Variants in TSC1 observed in about 807,000 individuals in gnomAD.
TSC1 encodes TSC complex subunit 1.
A neutral mutation model predicts 124.3 loss-of-function variants in TSC1; 20 were observed. The observed-to-expected ratio is 0.16, with a 90% confidence interval of 0.11 to 0.23. The LOEUF (loss-of-function observed/expected upper bound fraction) is 0.23, where lower values mean the gene tolerates loss of function less well. Among genes scored for constraint, TSC1 ranks in the 10% least tolerant of loss-of-function variants. TSC1 has a pLI of 1.00. For synonymous variants in TSC1, 493 were observed against 539.1 expected (o/e 0.91, Z 1.19); for missense variants, 1,124 against 1,448.5 (o/e 0.78, Z 3.64).
At chr9:132,913,442 G>A (rs557420501) in intron 8 of TSC1, among the ~76,000 whole-genome samples, 1 of 152,252 alleles carries the variant, frequency 6.6e-6, no homozygotes, top group South Asian at 2.1e-4. Flanking sequence ...TTTTCAGGGG[G>A]TGTAATAATA....
intron 15 of TSC1, 77 bp downstream of exon 15, chr9:132,905,504 T>C (rs2131804489): frequency 6.3e-7 from 1 of 1,599,820 alleles, no homozygotes; most frequent in Admixed American, 1.7e-5. Context: ...GAATGATTCT[T>C]GTTCCTCTCT....
Position 132,896,228 on chromosome 9 carries a change from T to C in TSC1, c.*7A>G. 2 of 1,614,228 alleles carry C rather than the reference T, an allele frequency of 1.2e-6. No individual in the cohort carries two copies. Among genetic ancestry groups the C allele is most frequent in the Middle Eastern group, 1.6e-4 (1 of 6,062 alleles). ...TATGCAAGTTAACACTGATTGACCA[T>C]CATTCCTTAGCTGTGTTCATGATGA... On this transcript the variant is annotated 3_prime_UTR_variant, in exon 23 of 23. Coordinates refer to ENST00000298552, the MANE Select transcript of TSC1 (RefSeq NM_000368.5). This position sits in a 1 kb window ranked among gnomAD's most constrained non-coding sequence, Gnocchi z 4.5.
chr9:132,929,738 C>G (rs1163594125), intron 2 of TSC1, among the ~76,000 whole-genome samples: 1 of 152,088 alleles, frequency 6.6e-6, no homozygotes, highest in African/African-American at 2.4e-5. Context: ...AAGCACTGTA[C>G]ACCTTTCACA....
At chr9:132,907,949 T>C (rs1000311700) in intron 12 of TSC1, among the ~76,000 whole-genome samples, 20 of 152,162 alleles carry the variant, frequency 1.3e-4, no homozygotes, top group Non-Finnish European at 2.6e-4. Flanking sequence ...TAGCCGGGCA[T>C]GGTGACTGGT....
At chr9:132,943,231 T>TA (rs11378053) in intron 1 of TSC1, among the ~76,000 whole-genome samples, 35,260 of 143,612 alleles carry the variant, frequency 0.25, 4,250 homozygotes, top group African/African-American at 0.31. Flanking sequence ...GCTTTCTATT[T>TA]AAAAAAAAAA....
chr9:132,908,676 G>A (rs373258394), intron 12 of TSC1, among the ~76,000 whole-genome samples: 4 of 151,826 alleles, frequency 2.6e-5, no homozygotes, highest in East Asian at 1.9e-4. Flanking sequence ...TTGAACGCCT[G>A]GGCTCAAGCA....
intron 1 of TSC1, among the ~76,000 whole-genome samples, chr9:132,938,748 C>T (rs1323918974): frequency 6.6e-6 from 1 of 152,104 alleles, no homozygotes; most frequent in Non-Finnish European, 1.5e-5. Flanking sequence ...AGAGTACACA[C>T]AAACCTTTTG....
At position 132,896,471 on chromosome 9, in the gene TSC1, A is replaced by G. The variant is rs2131598291; in HGVS notation, c.3259T>C (p.Phe1087Leu). Residue 1087 changes from phenylalanine to leucine, a missense_variant, in exon 23 of 23, where the codon TTC (phenylalanine) becomes CTC (leucine). Physicochemically the swap from Phe to Leu is conservative, Grantham distance 22. Around this residue, in one of 5 missense-constraint regions of TSC1, gnomAD observed 325 missense variants for 383.4 expected, o/e 0.85. Transcript: ENST00000298552. The surrounding 1 kb of genome is among the most constrained non-coding windows in gnomAD (Gnocchi z 4.5). ...AACTCTCGAGCCTTCATACCCAGGA[A>G]GCTTTTTGAACTGGGAAGTGAGCCC... ...TVGSLPSSKS[F>L]LGMKARELFR... 2 of 1,614,176 alleles carry G rather than the reference A, an allele frequency of 1.2e-6. No individual in the cohort carries two copies. The highest frequency in any genetic ancestry group is 1.7e-6 in the Non-Finnish European group (2 of 1,180,042).
intron 2 of TSC1, among the ~76,000 whole-genome samples, chr9:132,929,760 A>G (rs1251670692): frequency 6.6e-6 from 1 of 152,232 alleles, no homozygotes; most frequent in East Asian, 1.9e-4. Context: ...ACATCATTGT[A>G]TATACTCCTA....
rs984165284 is a variant in TSC1 at position 132,921,987 on chromosome 9, C to T, written c.509-14G>A. 2.5e-6 allele frequency: 4 copies of T among 1,613,976 alleles called. No homozygotes were observed. The highest frequency in any genetic ancestry group is 2.5e-6 in the Non-Finnish European group (3 of 1,179,948). ...CCGCCACGTGGCCTAGAAAAGGAAC[C>T]CGTTGAGAAGAGCCTCTTAGTTGGA... On this transcript the variant is annotated splice_polypyrimidine_tract_variant and intron_variant, in intron 6 of 22. Coordinates refer to ENST00000298552, the MANE Select transcript of TSC1 (RefSeq NM_000368.5). This position sits in a 1 kb window ranked among gnomAD's most constrained non-coding sequence, Gnocchi z 4.3.
rs2131776468 is a variant in TSC1 at position 132,903,852 on chromosome 9, C to T, written c.2042-35G>A. 6.2e-7 allele frequency: 1 copy of T among 1,612,468 alleles called. No individual in the cohort carries two copies. The highest frequency in any genetic ancestry group is 8.5e-7 in the Non-Finnish European group (1 of 1,179,632). On this transcript the variant is annotated intron_variant, in intron 16 of 22. Transcript: ENST00000298552. The surrounding 1 kb of genome is among the most constrained non-coding windows in gnomAD (Gnocchi z 5.9). ...AAGCAGAGGGAGGGTGGCAGAAATG[C>T]CTTTTACAGATGGTTCAATCAAGCC...
chr9:132,935,212 G>A (rs1356566928), intron 1 of TSC1, 117 bp from the exon 2 acceptor site: 7 of 395,700 alleles, frequency 1.8e-5, no homozygotes, highest in South Asian at 1.4e-4. Flanking sequence ...TGGCCACCAC[G>A]TTTCCACTGG....
At chr9:132,913,310 G>A (rs1174692814) in intron 8 of TSC1, among the ~76,000 whole-genome samples, 2 of 152,170 alleles carry the variant, frequency 1.3e-5, no homozygotes, top group African/African-American at 4.8e-5. Flanking sequence ...ATCTTGCTAA[G>A]TTTTGACAAA....
intron 5 of TSC1, 49 bp downstream of exon 5, chr9:132,925,538 A>C: frequency 6.2e-7 from 1 of 1,612,166 alleles, no homozygotes; most frequent in Non-Finnish European, 8.5e-7. Flanking sequence ...AAAATTTCAG[A>C]AACTATACTC....
intron 2 of TSC1, among the ~76,000 whole-genome samples, chr9:132,929,605 C>T: frequency 6.6e-6 from 1 of 152,200 alleles, no homozygotes; most frequent in East Asian, 1.9e-4. Context: ...AGAGCAGCTG[C>T]TTTATCTTGA....
intron 12 of TSC1, among the ~76,000 whole-genome samples, chr9:132,908,137 T>TTTTG (rs56788668): frequency 0.16 from 23,825 of 152,080 alleles, 1,949 homozygotes; most frequent in African/African-American, 0.21. Flanking sequence ...TCCCAAGAGC[T>TTTTG]TTTACGAGGC....
chr9:132,919,281 TG>T (rs1203593710), intron 8 of TSC1, among the ~76,000 whole-genome samples: 2 of 152,204 alleles, frequency 1.3e-5, no homozygotes, highest in African/African-American at 4.8e-5. Context: ...AGGGATGAAC[TG>T]GATTTCTAGA....
At chr9:132,898,008 CTGTG>C (rs1845176131) in intron 20 of TSC1, among the ~76,000 whole-genome samples, 1 of 152,208 alleles carries the variant, frequency 6.6e-6, no homozygotes, top group African/African-American at 2.4e-5. Context: ...GACTACAAGA[CTGTG>C]TGAATAGTAC....
chr9:132,926,682 G>A (rs1197139968), intron 4 of TSC1: 1 of 148,870 alleles, frequency 6.7e-6, no homozygotes, highest in African/African-American at 2.4e-5. Context: ...CTTTAAACAA[G>A]ATCTTTTTTT....
Sources: gnomAD v4.1 joint callset for allele counts (sites outside exome capture counted in the v4.1 genomes callset) on GRCh38, gnomAD v4.1.1 for gene constraint, gnomAD v4.1.1 regional missense constraint, Gnocchi (gnomAD v3.1) non-coding constraint, MANE v1.5 for transcripts, NCBI Gene and HGNC (gene_info 2026-07-23, HGNC 2026-07-21) for gene names.